The following LRMDA variants were observed in gnomAD, a reference collection of about 807,000 sequenced individuals.
LRMDA encodes leucine-rich melanocyte differentiation-associated protein.
Under a neutral mutation model 29.8 loss-of-function variants are expected in LRMDA, and 18 were observed. The observed-to-expected ratio is 0.60, with a 90% CI of 0.42 to 0.90. The LOEUF is 0.90. Ranked by LOEUF, LRMDA falls within the 40% of genes least tolerant of loss-of-function variation. LRMDA has a pLI of 0.00. For synonymous variants in LRMDA, 125 were observed against 109.4 expected (o/e 1.14, Z -0.89); for missense variants, 273 against 273.9 (o/e 1.00, Z 0.02).
chr10:75,689,978 C>T (rs1214026175), intron 2 of LRMDA, among the ~76,000 whole-genome samples: 6 of 152,072 alleles, frequency 3.9e-5, no homozygotes, highest in Non-Finnish European at 8.8e-5. Context: ...CTGTGAATAA[C>T]ATTAAGGAAT....
intron 2 of LRMDA, among the ~76,000 whole-genome samples, chr10:75,758,258 AG>A: frequency 6.6e-6 from 1 of 152,356 alleles, no homozygotes; most frequent in South Asian, 2.1e-4. Context: ...CCGCCCTCTC[AG>A]GAAGGGCCAG....
At chr10:76,191,598 G>A (rs1851247979) in intron 5 of LRMDA, among the ~76,000 whole-genome samples, 2 of 152,172 alleles carry the variant, frequency 1.3e-5, no homozygotes, top group African/African-American at 2.4e-5. Context: ...TAGAAGGCAG[G>A]TGTTTGCTTC....
intron 2 of LRMDA, among the ~76,000 whole-genome samples, chr10:75,766,528 C>T (rs928390938): frequency 2.7e-4 from 41 of 152,188 alleles, no homozygotes; most frequent in East Asian, 2.3e-3. Context: ...TTCTTCCTTC[C>T]GAACCCTTCC....
chr10:75,501,020 C>T (rs1265851486), intron 2 of LRMDA, among the ~76,000 whole-genome samples: 1 of 152,226 alleles, frequency 6.6e-6, no homozygotes, highest in African/African-American at 2.4e-5. Flanking sequence ...GTCTCTGCTT[C>T]AAGACACAGA....
intron 5 of LRMDA, among the ~76,000 whole-genome samples, chr10:76,119,278 G>A (rs11001616): frequency 0.2 from 29,752 of 151,854 alleles, 3,013 homozygotes; most frequent in Admixed American, 0.26. Flanking sequence ...AAGCTTCAAT[G>A]GAGCCAAGGC....
chr10:75,664,937 C>A (rs1158598663), intron 2 of LRMDA, among the ~76,000 whole-genome samples: 3 of 152,106 alleles, frequency 2.0e-5, no homozygotes, highest in Non-Finnish European at 4.4e-5. Flanking sequence ...AGACCCAGCA[C>A]CTGTTGGGGA....
intron 2 of LRMDA, among the ~76,000 whole-genome samples, chr10:75,668,088 C>T (rs1423877715): frequency 6.6e-6 from 1 of 152,218 alleles, no homozygotes; most frequent in Admixed American, 6.5e-5. Flanking sequence ...CAAAGAGGGC[C>T]CTGAAGCCAA....
chr10:75,895,472 C>G (rs1298250182), intron 2 of LRMDA, among the ~76,000 whole-genome samples: 1 of 152,176 alleles, frequency 6.6e-6, no homozygotes, highest in Non-Finnish European at 1.5e-5. Flanking sequence ...AAGTAACTTG[C>G]TGAAGGTCAC....
At chr10:76,095,670 A>G (rs1410076841) in intron 5 of LRMDA, among the ~76,000 whole-genome samples, 1 of 152,218 alleles carries the variant, frequency 6.6e-6, no homozygotes, top group African/African-American at 2.4e-5. Flanking sequence ...TATTGTCAAT[A>G]TCTTTTTGTT....
intron 2 of LRMDA, among the ~76,000 whole-genome samples, chr10:75,767,622 G>A (rs1167376509): frequency 6.6e-6 from 1 of 152,092 alleles, no homozygotes; most frequent in African/African-American, 2.4e-5. Context: ...AAAACTTAAC[G>A]TGATTTCTAC....
intron 6 of LRMDA, among the ~76,000 whole-genome samples, chr10:76,544,682 A>T (rs78481407): frequency 2.3e-4 from 34 of 150,734 alleles, no homozygotes; most frequent in South Asian, 6.3e-4. Flanking sequence ...TAACATATAC[A>T]TACACATATA....
intron 2 of LRMDA, among the ~76,000 whole-genome samples, chr10:75,987,276 G>A (rs899230769): frequency 1.3e-5 from 2 of 152,118 alleles, no homozygotes; most frequent in Non-Finnish European, 2.9e-5. Context: ...ATATAAGGAG[G>A]AGTGGGTCAA....
chr10:76,166,183 G>T (rs775804408), intron 5 of LRMDA, among the ~76,000 whole-genome samples: 1 of 152,164 alleles, frequency 6.6e-6, no homozygotes, highest in South Asian at 2.1e-4. Flanking sequence ...CATTTTCTAT[G>T]TACCAGGCAT....
Position 75,958,175 on chromosome 10 carries a change from G to A in LRMDA, c.132-77833G>A, listed in dbSNP as rs183331779. Among the ~76,000 whole-genome samples, 7 of 152,102 alleles carry A rather than the reference G, an allele frequency of 4.6e-5. No homozygotes were observed. The South Asian group carries it at 1.0e-3, about 23-fold the overall frequency. ...GATGGGAGGAGGAGGGTGGCTGAGG[G>A]GTGGCCAGCAGCCCCAAGGGCTGCT... is the stretch of plus-strand genomic sequence containing the variant. On this transcript the variant is annotated intron_variant, in intron 2 of 6. Coordinates refer to ENST00000611255, the MANE Select transcript of LRMDA (RefSeq NM_001305581.2).
chr10:75,985,829 C>T (rs1323078), intron 2 of LRMDA, among the ~76,000 whole-genome samples: 101,371 of 152,006 alleles, frequency 0.67, 33,820 homozygotes, highest in South Asian at 0.72. Flanking sequence ...AAGGAAGATG[C>T]GATGAAGCGA....
At chr10:76,014,128 A>ATATATATATATATATATAAT (rs1847839170) in intron 2 of LRMDA, among the ~76,000 whole-genome samples, 1 of 94,886 alleles carries the variant, frequency 1.1e-5, no homozygotes, top group Non-Finnish European at 2.0e-5. Context: ...ATATATAATT[A>ATATATATATATATATATAAT]TATATATATA....
chr10:75,704,488 T>C (rs1842343653), intron 2 of LRMDA, among the ~76,000 whole-genome samples: 1 of 152,212 alleles, frequency 6.6e-6, no homozygotes, highest in Non-Finnish European at 1.5e-5. Context: ...TTTAAGAATT[T>C]GTCATGGTGC....
At chr10:75,486,695 G>A (rs1844918885) in intron 2 of LRMDA, among the ~76,000 whole-genome samples, 1 of 152,138 alleles carries the variant, frequency 6.6e-6, no homozygotes, top group South Asian at 2.1e-4. Context: ...CTGGCATGCT[G>A]GGGAGAAGGC....
intron 2 of LRMDA, among the ~76,000 whole-genome samples, chr10:75,622,685 C>T (rs1841203590): frequency 6.6e-6 from 1 of 152,190 alleles, no homozygotes; most frequent in Admixed American, 6.6e-5. Flanking sequence ...CAAACTCACT[C>T]ACTGCTTACC....
Sources: allele counts gnomAD v4.1 joint callset (sites outside exome capture counted in the v4.1 genomes callset), GRCh38; gene constraint gnomAD v4.1.1; transcripts MANE v1.5; gene names NCBI Gene and HGNC (gene_info 2026-07-23, HGNC 2026-07-21).